The following TNRC6B variants were observed in gnomAD, a reference collection of about 807,000 sequenced individuals.
The protein encoded by TNRC6B is trinucleotide repeat containing adaptor 6B, also known as trinucleotide repeat-containing gene 6B protein.
TNRC6B carries 52 observed loss-of-function variants against 203.6 expected under a neutral mutation model. The observed-to-expected ratio is 0.26, with a 90% CI of 0.20 to 0.32. TNRC6B has a LOEUF of 0.32. TNRC6B is among the 10% of genes least tolerant of loss of function. The pLI is 1.00. For synonymous variants in TNRC6B, 838 were observed against 845.7 expected (o/e 0.99, Z 0.16); for missense variants, 1,923 against 2,286.2 (o/e 0.84, Z 3.24).
At chr22:40,269,221 C>T (rs112251865) in intron 5 of TNRC6B, among the ~76,000 whole-genome samples, 29,151 of 147,558 alleles carry the variant, frequency 0.2, 3,478 homozygotes, top group Admixed American at 0.34. Context: ...GCAACCTCCA[C>T]CTCCCGGGTT....
chr22:40,081,582 T>A (rs1360024529), intron 1 of TNRC6B, among the ~76,000 whole-genome samples: 6 of 152,340 alleles, frequency 3.9e-5, no homozygotes, highest in African/African-American at 1.4e-4. Flanking sequence ...TCAACCTGGC[T>A]TTGCCACTTT....
chr22:40,251,062 G>T (rs2070185374), intron 2 of TNRC6B, 117 bp from the exon 3 acceptor site: 2 of 741,164 alleles, frequency 2.7e-6, no homozygotes, highest in Non-Finnish European at 4.1e-6. Flanking sequence ...CTGGATTTCA[G>T]CTATGCCTGT....
chr22:40,208,389 A>G (rs2069515021), intron 1 of TNRC6B, among the ~76,000 whole-genome samples: 1 of 152,218 alleles, frequency 6.6e-6, no homozygotes, highest in Non-Finnish European at 1.5e-5. Flanking sequence ...CCTGGCAAAA[A>G]TTGGAAACCT....
chr22:40,190,718 C>T (rs1004484594), intron 1 of TNRC6B, among the ~76,000 whole-genome samples: 4 of 152,132 alleles, frequency 2.6e-5, no homozygotes, highest in African/African-American at 9.7e-5. Flanking sequence ...GGAGTGGCTG[C>T]CCCAGCAAGG....
intron 3 of TNRC6B, 82 bp downstream of exon 3, chr22:40,251,282 C>A: frequency 8.9e-7 from 1 of 1,127,762 alleles, no homozygotes; most frequent in Non-Finnish European, 1.2e-6. Context: ...GCCTCCAATC[C>A]ACTGAAAAGA....
intron 4 of TNRC6B, among the ~76,000 whole-genome samples, chr22:40,170,932 C>T (rs62236835): frequency 0.68 from 95,916 of 141,770 alleles, 34,078 homozygotes; most frequent in African/African-American, 0.9. Context: ...TATATACACC[C>T]ATATATGTAC....
At chr22:40,104,866 A>G (rs937626606) in intron 1 of TNRC6B, among the ~76,000 whole-genome samples, 20 of 152,204 alleles carry the variant, frequency 1.3e-4, no homozygotes. Flanking sequence ...TGAGTGTGGT[A>G]CTTTGACCAA....
chr22:40,067,943 A>G (rs938306837), intron 1 of TNRC6B, among the ~76,000 whole-genome samples: 5 of 152,138 alleles, frequency 3.3e-5, no homozygotes, highest in Admixed American at 2.6e-4. Context: ...TAACCATCAC[A>G]GTGGATATGT....
chr22:40,143,240 G>A (rs2068660072), intron 3 of TNRC6B, among the ~76,000 whole-genome samples: 1 of 152,020 alleles, frequency 6.6e-6, no homozygotes, highest in South Asian at 2.1e-4. Flanking sequence ...AACCAGCCTG[G>A]GCAACATGGC....
intron 1 of TNRC6B, among the ~76,000 whole-genome samples, chr22:40,189,498 CAAAAAA>C (rs56029573): frequency 8.9e-6 from 1 of 112,276 alleles, no homozygotes; most frequent in Non-Finnish European, 2.0e-5. Context: ...TTTGTCTGCC[CAAAAAA>C]AAAAAAAAAA....
At chr22:40,063,903 A>G (rs868688259) in intron 1 of TNRC6B, among the ~76,000 whole-genome samples, 3 of 151,902 alleles carry the variant, frequency 2.0e-5, no homozygotes, top group Admixed American at 6.6e-5. Context: ...GGGTTTTGCT[A>G]TGTTGCCTAG....
chr22:40,142,050 G>A (rs1336162629), intron 3 of TNRC6B, among the ~76,000 whole-genome samples: 5 of 151,154 alleles, frequency 3.3e-5, no homozygotes, highest in African/African-American at 4.9e-5. Context: ...GTGAGCCACC[G>A]CGCCTGGCCT....
At chr22:40,292,429 T>C (rs138465178) in intron 12 of TNRC6B, among the ~76,000 whole-genome samples, 2 of 152,058 alleles carry the variant, frequency 1.3e-5, no homozygotes, top group East Asian at 1.9e-4. Flanking sequence ...GTTTCTACCA[T>C]GCCTGTTTCC....
chr22:40,154,120 G>A (rs2068788065), intron 3 of TNRC6B, among the ~76,000 whole-genome samples: 1 of 151,764 alleles, frequency 6.6e-6, no homozygotes, highest in Admixed American at 6.6e-5. Flanking sequence ...AAGTAGCTGG[G>A]ACTTACAGGG....
intron 1 of TNRC6B, among the ~76,000 whole-genome samples, chr22:40,102,309 C>G (rs912954926): frequency 6.6e-6 from 1 of 152,128 alleles, no homozygotes; most frequent in Admixed American, 6.5e-5. Context: ...ATGAAATAAA[C>G]AAATGACAGT....
chr22:40,273,436 A>T lies in TNRC6B; in HGVS notation c.2977A>T (p.Met993Leu), dbSNP rs762117902. ...PNAMKPNSKS[M>L]QDGWGESDGP... ...TTCTTTCCTTAAAGATTCCAAATCTATGCAAGACGGCTGGGGGGAGAGTGA... is the reference window on the plus strand; with the variant it reads ...TTCTTTCCTTAAAGATTCCAAATCTTTGCAAGACGGCTGGGGGGAGAGTGA... Residue 993 changes from methionine to leucine, a missense_variant, in exon 7 of 23, where the codon ATG (methionine) becomes TTG (leucine). Physicochemically the swap from Met to Leu is conservative, Grantham distance 15. This residue lies in a region of TNRC6B where 599 missense variants were observed against 656.5 expected (regional missense o/e 0.91). Transcript: ENST00000454349. 8 of 1,607,506 alleles carry T rather than the reference A, an allele frequency of 5.0e-6. No individual in the cohort carries two copies. In the East Asian group the frequency reaches 1.8e-4, roughly 36 times the overall value.
At chr22:40,119,901 T>G (rs2068427891) in intron 2 of TNRC6B, among the ~76,000 whole-genome samples, 1 of 151,482 alleles carries the variant, frequency 6.6e-6, no homozygotes, top group Admixed American at 6.6e-5. Flanking sequence ...AACAAGAATG[T>G]TATCAAGGTT....
upstream of TNRC6B, among the ~76,000 whole-genome samples, chr22:40,175,494 G>A (rs920918984): frequency 9.9e-5 from 15 of 152,024 alleles, no homozygotes; most frequent in African/African-American, 3.4e-4. Context: ...ATAAATATTT[G>A]TATACAATAA....
rs370164448 is a variant in TNRC6B at position 40,265,189 on chromosome 22, C to T, written c.959C>T (p.Ser320Phe). 1 of 1,613,804 alleles carries T rather than the reference C, an allele frequency of 6.2e-7. No homozygotes were observed. The highest frequency in any genetic ancestry group is 1.3e-5 in the African/African-American group (1 of 74,900). The change falls in exon 5 of 23, where the codon TCT (serine) becomes TTT (phenylalanine). Residue 320 changes from serine to phenylalanine, a missense_variant. By Grantham distance (155) the Ser-to-Phe change is radical. Transcript: ENST00000454349. Reference protein sequence around the residue: ...AWPALVQEGTSRKGALETDNS... With the variant: ...AWPALVQEGTFRKGALETDNS... ...CCAGCACTGGTCCAAGAAGGAACTT[C>T]TAGGAAAGGGGCATTGGAAACAGAT...
Sources: gnomAD v4.1 joint callset for allele counts (sites outside exome capture counted in the v4.1 genomes callset) on GRCh38, gnomAD v4.1.1 for gene constraint, gnomAD v4.1.1 regional missense constraint, MANE v1.5 for transcripts, NCBI Gene and HGNC (gene_info 2026-07-23, HGNC 2026-07-21) for gene names.